The following USP24 variants were observed in gnomAD, a reference collection of about 807,000 sequenced individuals.
USP24 encodes the protein ubiquitin carboxyl-terminal hydrolase 24.
In USP24, 97 loss-of-function variants were observed where a neutral mutation model predicts 361.6. That is an observed-to-expected ratio of 0.27 (90% CI 0.23 to 0.32). USP24 has a LOEUF of 0.32. USP24 is among the 10% of genes least tolerant of loss of function. USP24 has a pLI of 1.00. For synonymous variants in USP24, 1,098 were observed against 1,124.6 expected (o/e 0.98, Z 0.47); for missense variants, 2,353 against 3,165.6 (o/e 0.74, Z 6.16).
intron 54 of USP24, among the ~76,000 whole-genome samples, chr1:55,090,282 G>A (rs1351066190): frequency 6.6e-6 from 1 of 152,050 alleles, no homozygotes; most frequent in Admixed American, 6.5e-5. Flanking sequence ...AATGATCATT[G>A]TGTAAAATGG....
chr1:55,107,846 A>AC (rs1164805904), intron 39 of USP24, among the ~76,000 whole-genome samples: 18 of 145,896 alleles, frequency 1.2e-4, no homozygotes, highest in African/African-American at 3.1e-4. Flanking sequence ...TGTCTCAAAA[A>AC]AAAAAAAAAA....
intron 1 of USP24, among the ~76,000 whole-genome samples, chr1:55,179,213 T>C (rs1446279278): frequency 1.3e-5 from 2 of 152,190 alleles, no homozygotes; most frequent in Non-Finnish European, 2.9e-5. Flanking sequence ...AATGCTGGCT[T>C]CTTTTCCCTG....
At chr1:55,116,911 T>C (rs1646131778) in intron 38 of USP24, among the ~76,000 whole-genome samples, 1 of 152,138 alleles carries the variant, frequency 6.6e-6, no homozygotes, top group African/African-American at 2.4e-5. Flanking sequence ...TACAGACCAA[T>C]ATCCCTTATG....
chr1:55,090,959 C>T (rs959093728), intron 54 of USP24, among the ~76,000 whole-genome samples: 1 of 152,154 alleles, frequency 6.6e-6, no homozygotes, highest in Non-Finnish European at 1.5e-5. Flanking sequence ...GTGGCGCACG[C>T]CCATAGTCCA....
chr1:55,189,598 T>G (rs1024932874), intron 1 of USP24, among the ~76,000 whole-genome samples: 1 of 152,228 alleles, frequency 6.6e-6, no homozygotes, highest in Admixed American at 6.5e-5. Flanking sequence ...GCATGAGGTT[T>G]CTTTTGGAGG....
At chr1:55,123,736 G>T in intron 35 of USP24, 134 bp from the exon 36 acceptor site, 1 of 897,172 alleles carries the variant, frequency 1.1e-6, no homozygotes, top group Non-Finnish European at 1.6e-6. Flanking sequence ...CAAGAAGCAA[G>T]AGAGATTTAA....
At chr1:55,173,264 T>A (rs796343723) in intron 3 of USP24, among the ~76,000 whole-genome samples, 5 of 152,270 alleles carry the variant, frequency 3.3e-5, no homozygotes, top group South Asian at 4.1e-4. Context: ...TATTTTTTTT[T>A]AATTGTTTAA....
In USP24 at chr1:55,132,545, T is replaced by C. The variant is rs114690708; in HGVS notation, c.3537A>G (p.Glu1179=). The C allele has an allele frequency of 5.0e-5, 80 of 1,609,060 alleles. No homozygotes were observed. The highest frequency in any genetic ancestry group is 6.6e-5 in the Non-Finnish European group (78 of 1,177,670). Residue 1179 remains glutamate (E), a splice_region_variant and synonymous_variant, in exon 31 of 68, where the codon GAA becomes GAG. Coordinates refer to ENST00000294383, the MANE Select transcript of USP24 (RefSeq NM_015306.3). The part of the protein sequence containing the change: ...MSTFRVLYNL[E]VLSSKLMPTA... ...AATGGAAAGAAATTAGGTTTCTTAC[T>C]TCTAAGTTGTAGAGCACTCTGAAGG...
At chr1:55,120,255 A>G (rs1214035411) in intron 38 of USP24, among the ~76,000 whole-genome samples, 1 of 152,178 alleles carries the variant, frequency 6.6e-6, no homozygotes, top group Non-Finnish European at 1.5e-5. Context: ...AGATATCTGC[A>G]CTGAAAAAGT....
intron 1 of USP24, among the ~76,000 whole-genome samples, chr1:55,196,410 C>T (rs954447425): frequency 4.6e-5 from 7 of 152,164 alleles, no homozygotes; most frequent in African/African-American, 1.4e-4. Context: ...CTATCCCCCA[C>T]GAAATTAAAT....
At chr1:55,088,920 G>GT (rs977321197) in intron 55 of USP24, among the ~76,000 whole-genome samples, 2,656 of 146,072 alleles carry the variant, frequency 0.018, 64 homozygotes, top group African/African-American at 0.058. Flanking sequence ...ACTACCAGGA[G>GT]TTTTTTTTTT....
At chr1:55,075,063 A>G (rs1644997681) in intron 63 of USP24, among the ~76,000 whole-genome samples, 1 of 152,204 alleles carries the variant, frequency 6.6e-6, no homozygotes, top group Admixed American at 6.5e-5. Flanking sequence ...GTAAAAAGAC[A>G]TTCACATTTC....
chr1:55,144,857 C>G (rs1281043748), intron 20 of USP24, among the ~76,000 whole-genome samples: 2 of 152,156 alleles, frequency 1.3e-5, no homozygotes, highest in Non-Finnish European at 2.9e-5. Flanking sequence ...TCACATGAAC[C>G]TGGGAAGTGG....
chr1:55,146,002 C>T lies in USP24; in HGVS notation c.2358G>A (p.Met786Ile). Residue 786 changes from methionine to isoleucine, a missense_variant, in exon 20 of 68, where the codon ATG (methionine) becomes ATA (isoleucine). Physicochemically the swap from Met to Ile is conservative, Grantham distance 10. This residue lies in a region of USP24 where 949 missense variants were observed against 1,280.5 expected (regional missense o/e 0.74). Coordinates refer to ENST00000294383, the MANE Select transcript of USP24 (RefSeq NM_015306.3). The stretch of plus-strand genomic sequence containing the variant: ...TGATTTTAAGTTTTTTCCTACCATT[C>T]ATAGTGATTTCATATGACTCCAATT... ...ILKLESYEIT[M>I]NGFNLFKTFF... 1 of 1,605,832 alleles carries T rather than the reference C, an allele frequency of 6.2e-7. No homozygotes were observed. Among genetic ancestry groups the T allele is most frequent in the Non-Finnish European group, 8.5e-7 (1 of 1,173,766 alleles).
intron 7 of USP24, among the ~76,000 whole-genome samples, chr1:55,162,529 A>G (rs1382501537): frequency 1.3e-5 from 2 of 152,210 alleles, no homozygotes; most frequent in Admixed American, 6.5e-5. Flanking sequence ...AAATGATTTT[A>G]AAGTTACATT....
At chr1:55,093,512 G>T in intron 52 of USP24, 1 of 159,638 alleles carries the variant, frequency 6.3e-6, no homozygotes, top group Non-Finnish European at 1.4e-5. Context: ...TGTGCTTAAA[G>T]CACGTAGCAC....
At chr1:55,146,890 T>C in intron 19 of USP24, 39 bp downstream of exon 19, 1 of 1,605,932 alleles carries the variant, frequency 6.2e-7, no homozygotes, top group Non-Finnish European at 8.5e-7. Flanking sequence ...AATATTTAAA[T>C]ATTTCTGCCT....
chr1:55,175,105 T>C (rs1037728108), intron 3 of USP24, among the ~76,000 whole-genome samples: 4 of 151,882 alleles, frequency 2.6e-5, no homozygotes, highest in African/African-American at 9.7e-5. Context: ...CTACTTTTGC[T>C]TCTAAAATTA....
Position 55,097,123 on chromosome 1 carries a change from C to T in USP24, c.5765G>A (p.Arg1922His), listed in dbSNP as rs780628272. ...MEPYTVSGMA[R>H]QDSSSEVGEN... Reference sequence around the variant, plus strand: ...CCCAACTTCAGAAGAAGAATCTTGGCGAGCCATTCCTGAAACTGTGTAAGG... The same window carrying T: ...CCCAACTTCAGAAGAAGAATCTTGGTGAGCCATTCCTGAAACTGTGTAAGG... The change falls in exon 49 of 68, where the codon CGC becomes CAC. Residue 1922 changes from arginine (R) to histidine (H), a missense_variant. By Grantham distance (29) the Arg-to-His change is conservative. This residue lies in a region of USP24 where 598 missense variants were observed against 761.9 expected (regional missense o/e 0.78). Coordinates refer to ENST00000294383, the MANE Select transcript of USP24 (RefSeq NM_015306.3). 8 of 1,611,276 alleles carry T rather than the reference C, an allele frequency of 5.0e-6. No individual in the cohort carries two copies. Among genetic ancestry groups the T allele is most frequent in the South Asian group, 3.3e-5 (3 of 91,014 alleles).
Sources: gnomAD v4.1 joint callset for allele counts (sites outside exome capture counted in the v4.1 genomes callset) on GRCh38, gnomAD v4.1.1 for gene constraint, gnomAD v4.1.1 regional missense constraint, MANE v1.5 for transcripts, NCBI Gene and HGNC (gene_info 2026-07-23, HGNC 2026-07-21) for gene names.